LRRC9: variants seen among roughly 807,000 people sequenced by gnomAD.
LRRC9 encodes the protein leucine-rich repeat-containing protein 9.
LRRC9 carries 122 observed loss-of-function variants against 63.2 expected under a neutral mutation model. The observed-to-expected ratio is 1.93, with a 90% CI of 1.67 to 2.24. LRRC9 has a LOEUF of 2.24. LRRC9 is among the 30% of genes most tolerant of loss of function. The probability of loss-of-function intolerance (pLI) is 0.00; values close to 1 mark genes in which losing one functional copy is unlikely to be tolerated. For synonymous variants in LRRC9, 366 were observed against 213.1 expected (o/e 1.72, Z -6.25); for missense variants, 1,071 against 627.7 (o/e 1.71, Z -7.55).
rs1320282124 is a variant in LRRC9 at position 60,053,029 on chromosome 14, T to C, written c.3991-36T>C. The C allele has an allele frequency of 8.8e-6, 6 of 680,962 alleles. No individual in the cohort carries two copies. Among genetic ancestry groups the C allele is most frequent in the Non-Finnish European group, 1.6e-5 (6 of 373,462 alleles). 42.2% of individuals were successfully genotyped at this position (680,962 alleles called of 1,614,324 possible). ...CAGGTTAATCTTTGAAATAAAAGTT[T>C]TGTAGGAATAAATTGTTATTTTTAA... On this transcript the variant is annotated intron_variant, in intron 29 of 31. Coordinates refer to ENST00000445360, the Ensembl canonical transcript of LRRC9. This position sits in a 1 kb window ranked among gnomAD's most constrained non-coding sequence, Gnocchi z 4.8.
rs538131594 is a variant in LRRC9 at position 60,025,597 on chromosome 14, A to G, written c.3704-2287A>G. Among the ~76,000 whole-genome samples the G allele has an allele frequency of 2.6e-5, 4 of 151,924 alleles. No individual in the cohort carries two copies. In the East Asian group the frequency reaches 7.8e-4, roughly 30 times the overall value. On this transcript the variant is annotated intron_variant, in intron 27 of 31. Transcript: ENST00000445360. ...AACAGCTGCCATTTATGGAGTCACT[A>G]GGCAAGGTGTTTGTCTACATAGATT...
At position 59,923,042 on chromosome 14, in the gene LRRC9, T is replaced by C. The variant is rs1213770698; in HGVS notation, c.-34+3159T>C. Among the ~76,000 whole-genome samples the C allele has an allele frequency of 6.6e-6, 1 of 152,286 alleles. No homozygotes were observed. The highest frequency in any genetic ancestry group is 6.5e-5 in the Admixed American group (1 of 15,300). On this transcript the variant is annotated intron_variant, in intron 1 of 31. Transcript: ENST00000445360. The surrounding 1 kb of genome is among the most constrained non-coding windows in gnomAD (Gnocchi z 4.2). ...GAACTAGAGATGACCTTTAGCCTCT[T>C]AAATGGGCCAGCCCTGAAAGAGCTT...
rs188000714 is a variant in LRRC9, at chr14:60,053,072, G to T, written c.3998G>T (p.Arg1333Ile). The T allele has an allele frequency of 9.2e-4, 640 of 694,386 alleles. No homozygotes were observed. The highest frequency in any genetic ancestry group is 1.5e-3 in the Non-Finnish European group (581 of 381,748). 43.0% of individuals were successfully genotyped at this position (694,386 alleles called of 1,614,324 possible). A position where few individuals can be genotyped will look rare whatever the true frequency, so the allele number is the denominator to read the frequency against. Residue 1333 changes from arginine to isoleucine, a missense_variant, in exon 30 of 32, where the codon AGA (arginine) becomes ATA (isoleucine). Arg to Ile is a moderately conservative substitution (Grantham distance 97). Coordinates refer to ENST00000445360, the Ensembl canonical transcript of LRRC9. The surrounding 1 kb of genome is among the most constrained non-coding windows in gnomAD (Gnocchi z 4.8). Reference sequence around the variant, plus strand: ...ATTTTTAACTTTATTCAGATTTGTAGAAAAATGCTACATCGCCACATGCTT... The same window carrying T: ...ATTTTTAACTTTATTCAGATTTGTATAAAAATGCTACATCGCCACATGCTT...
At chr14:60,009,870 C>G (rs1890120811) in intron 23 of LRRC9, among the ~76,000 whole-genome samples, 1 of 152,184 alleles carries the variant, frequency 6.6e-6, no homozygotes. Context: ...AGTGAGGCAG[C>G]AAAATCTTAA....
At chr14:60,063,577 T>C (rs1469702581), downstream of LRRC9, 1 of 443,832 alleles carries the variant, frequency 2.3e-6, no homozygotes, top group African/African-American at 2.0e-5. Context: ...TTATCTTTAG[T>C]TATTTGTTTG....
At chr14:60,010,853 T>G (rs1266668127) in intron 23 of LRRC9, among the ~76,000 whole-genome samples, 1 of 152,144 alleles carries the variant, frequency 6.6e-6, no homozygotes, top group Non-Finnish European at 1.5e-5. Flanking sequence ...TGTCTCCATC[T>G]GAGACCACCT....
chr14:59,933,125 C>T (rs1041526246), intron 6 of LRRC9, among the ~76,000 whole-genome samples: 1 of 152,056 alleles, frequency 6.6e-6, no homozygotes, highest in Non-Finnish European at 1.5e-5. Context: ...CTCATTTCAT[C>T]GTTTATTTCA....
Position 59,997,835 on chromosome 14 carries a change from T to A in LRRC9, c.2391T>A (p.Asn797Lys), listed in dbSNP as rs752398420. 1.9e-4 allele frequency: 131 copies of A among 695,752 alleles called. 3 individuals are homozygous for A. The highest frequency in any genetic ancestry group is 4.6e-4 in the Middle Eastern group (2 of 4,334). 43.1% of individuals were successfully genotyped at this position (695,752 alleles called of 1,614,324 possible). ...TTCTCACTCTTGATATTCAACATAA[T>A]CCATGGCAAAAGGTATGCCACAGAC... Residue 797 changes from asparagine (N) to lysine (K), a missense_variant, in exon 18 of 32, where the codon AAT becomes AAA. Transcript: ENST00000445360.
chr14:60,039,232 G>A (rs889058107), intron 29 of LRRC9, among the ~76,000 whole-genome samples: 1 of 152,048 alleles, frequency 6.6e-6, no homozygotes, highest in African/African-American at 2.4e-5. Context: ...TCTCTTTTTT[G>A]TTGTGTCTCT....
intron 16 of LRRC9, among the ~76,000 whole-genome samples, chr14:59,984,155 G>A (rs970625721): frequency 2.0e-5 from 3 of 152,224 alleles, no homozygotes; most frequent in Non-Finnish European, 4.4e-5. Flanking sequence ...TTGTGGACAT[G>A]TTAAATGTGA....
intron 29 of LRRC9, among the ~76,000 whole-genome samples, chr14:60,048,248 C>T (rs1161960670): frequency 6.6e-6 from 1 of 152,008 alleles, no homozygotes; most frequent in African/African-American, 2.4e-5. Flanking sequence ...CAAGAGCAAA[C>T]AGACACCAAA....
chr14:59,996,035 C>G (rs535229682), intron 17 of LRRC9, among the ~76,000 whole-genome samples: 1 of 152,058 alleles, frequency 6.6e-6, no homozygotes, highest in Non-Finnish European at 1.5e-5. Flanking sequence ...CCACCGGGCC[C>G]GGGCAGAAGA....
chr14:60,025,463 A>G (rs1891470729), intron 27 of LRRC9, among the ~76,000 whole-genome samples: 1 of 151,986 alleles, frequency 6.6e-6, no homozygotes, highest in Admixed American at 6.6e-5. Flanking sequence ...TGTAAGGTCT[A>G]TTTCAATCTA....
exon 19 of LRRC9, chr14:59,999,207 C>A: frequency 1.4e-6 from 1 of 700,766 alleles, no homozygotes; most frequent in Non-Finnish European, 2.6e-6. Flanking sequence ...AAATTTATTG[C>A]AGGAACAAGG....
intron 26 of LRRC9, among the ~76,000 whole-genome samples, chr14:60,022,474 A>AT (rs1244864126): frequency 6.6e-6 from 1 of 151,502 alleles, no homozygotes; most frequent in Non-Finnish European, 1.5e-5. Flanking sequence ...ATCTGGATGC[A>AT]TTTTTTTCTT....
At chr14:59,983,513 G>C (rs951059048) in intron 16 of LRRC9, among the ~76,000 whole-genome samples, 2 of 152,200 alleles carry the variant, frequency 1.3e-5, no homozygotes, top group Non-Finnish European at 2.9e-5. Context: ...TTTATAGAAA[G>C]AGGTGAGCTT....
downstream of LRRC9, among the ~76,000 whole-genome samples, chr14:60,066,076 C>T (rs919728233): frequency 5.3e-5 from 8 of 152,034 alleles, no homozygotes; most frequent in African/African-American, 4.8e-5. Flanking sequence ...CCTCGGCTCC[C>T]GCAACGTGCT....
chr14:60,021,076 T>C (rs147993825), intron 26 of LRRC9, among the ~76,000 whole-genome samples: 105 of 152,054 alleles, frequency 6.9e-4, no homozygotes, highest in African/African-American at 2.4e-3. Context: ...TAAACTGTTT[T>C]CCAAAATGGT....
chr14:59,982,496 C>G (rs529161971), intron 16 of LRRC9, among the ~76,000 whole-genome samples: 45 of 152,162 alleles, frequency 3.0e-4, no homozygotes, highest in Admixed American at 4.6e-4. Flanking sequence ...CATAAAATGG[C>G]AGTGGGCATC....
Sources: gnomAD v4.1 joint callset for allele counts (sites outside exome capture counted in the v4.1 genomes callset) on GRCh38, gnomAD v4.1.1 for gene constraint, Gnocchi (gnomAD v3.1) non-coding constraint, MANE v1.5 for transcripts, NCBI Gene and HGNC (gene_info 2026-07-23, HGNC 2026-07-21) for gene names.